VPS13B: variants seen among roughly 807,000 people sequenced by gnomAD.
VPS13B encodes intermembrane lipid transfer protein VPS13B.
VPS13B carries 285 observed loss-of-function variants against 426.4 expected under a neutral mutation model. The observed-to-expected ratio is 0.67, with a 90% CI of 0.61 to 0.74. The LOEUF (loss-of-function observed/expected upper bound fraction) is 0.74, where lower values mean the gene tolerates loss of function less well. Among genes scored for constraint, VPS13B ranks in the 30% least tolerant of loss-of-function variants. VPS13B has a pLI of 0.00. For missense variants in VPS13B, 4,537 were observed against 4,782.6 expected, an observed-to-expected ratio of 0.95 and a Z score of 1.51; for synonymous variants, 1,676 against 1,676.4, an observed-to-expected ratio of 1.00 and a Z score of 0.01.
At chr8:99,234,805 A>G (rs1051542250) in intron 17 of VPS13B, among the ~76,000 whole-genome samples, 1 of 152,262 alleles carries the variant, frequency 6.6e-6, no homozygotes, top group Non-Finnish European at 1.5e-5. Context: ...TAATTGCAAC[A>G]AGTCTCCCAA....
rs562930193 is a variant in VPS13B, at chr8:99,738,368, T to C, written c.7050+17321T>C. Among the ~76,000 whole-genome samples, 8 of 152,364 alleles carry C rather than the reference T, an allele frequency of 5.3e-5. No individual in the cohort carries two copies. The East Asian group carries it at 1.5e-3, about 29-fold the overall frequency. ...AACTACTATCTTTTTTCTCTTTAGC[T>C]AAATCATGGTATATCTGTATAATAT... On this transcript the variant is annotated intron_variant, in intron 39 of 61. Transcript: ENST00000357162.
chr8:99,394,258 A>G (rs1814613068), intron 21 of VPS13B, among the ~76,000 whole-genome samples: 1 of 152,150 alleles, frequency 6.6e-6, no homozygotes, highest in Non-Finnish European at 1.5e-5. Flanking sequence ...CTATGGTCCA[A>G]TGTTGATTTT....
chr8:99,717,189 C>G lies in VPS13B; in HGVS notation c.6473C>G (p.Ser2158Ter), dbSNP rs760207157. 1 of 1,613,392 alleles carries G rather than the reference C, an allele frequency of 6.2e-7. No homozygotes were observed. The highest frequency in any genetic ancestry group is 1.7e-5 in the Admixed American group (1 of 59,930). The change falls in exon 37 of 62, where the codon TCA becomes TGA. Residue 2158 changes from serine to a stop codon, truncating the protein, a stop_gained. Coordinates refer to ENST00000357162, the MANE Select transcript of VPS13B (RefSeq NM_152564.5). LOFTEE classifies it high-confidence loss of function. Reference sequence around the variant, plus strand: ...TTTTCAGGCATAATTCTTGGGTCATCATTTCTACTCAGTATAAACGATTTT... The same window carrying G: ...TTTTCAGGCATAATTCTTGGGTCATGATTTCTACTCAGTATAAACGATTTT... ...QKVPGIILGS[S>*]FLLSINDFLL... is the part of the protein sequence containing the mutation.
At chr8:99,116,419 T>A (rs185669157) in intron 7 of VPS13B, among the ~76,000 whole-genome samples, 1 of 152,126 alleles carries the variant, frequency 6.6e-6, no homozygotes, top group African/African-American at 2.4e-5. Context: ...ATAATAGATA[T>A]AAGTGTTCAG....
chr8:99,419,104 A>C (rs1335954260), intron 21 of VPS13B, among the ~76,000 whole-genome samples: 14 of 152,290 alleles, frequency 9.2e-5, no homozygotes, highest in Non-Finnish European at 4.4e-5. Context: ...ACTGGTGGGC[A>C]GTGATTAGAT....
chr8:99,280,940 C>A (rs1216499054), intron 19 of VPS13B, among the ~76,000 whole-genome samples: 1 of 152,078 alleles, frequency 6.6e-6, no homozygotes, highest in Non-Finnish European at 1.5e-5. Context: ...CCTTTCTATT[C>A]AATCCTTAGT....
At position 99,445,144 on chromosome 8, in the gene VPS13B, A is replaced by G. The variant is rs534636983; in HGVS notation, c.3445+2509A>G. On this transcript the variant is annotated intron_variant, in intron 23 of 61. Transcript: ENST00000357162. The stretch of plus-strand genomic sequence containing the variant: ...ATTTGCAAGTATTTTCTCCTGTTCT[A>G]TACATTGTCTTTTCACTTCCTTGAT... Among the ~76,000 whole-genome samples, 47 of 151,424 alleles carry G rather than the reference A, an allele frequency of 3.1e-4. No homozygotes were observed. In the East Asian group the frequency reaches 7.9e-3, roughly 25 times the overall value.
chr8:99,540,170 C>T (rs1447657081), intron 30 of VPS13B, among the ~76,000 whole-genome samples: 1 of 139,652 alleles, frequency 7.2e-6, no homozygotes, highest in Non-Finnish European at 1.5e-5. Context: ...AACTCCGCCT[C>T]CTGGGTTCAC....
At chr8:99,865,237 T>C (rs570491597) in intron 58 of VPS13B, among the ~76,000 whole-genome samples, 1 of 152,336 alleles carries the variant, frequency 6.6e-6, no homozygotes, top group East Asian at 1.9e-4. Context: ...CCTCACTTTC[T>C]ACTACACTCT....
At chr8:99,705,178 G>C (rs1832449103) in intron 36 of VPS13B, among the ~76,000 whole-genome samples, 1 of 152,048 alleles carries the variant, frequency 6.6e-6, no homozygotes, top group Non-Finnish European at 1.5e-5. Context: ...GTAGATTACT[G>C]ATAATTTTTG....
rs939460977 is a variant in VPS13B at position 99,251,348 on chromosome 8, CT to C, written c.2516-22840del. On this transcript the variant is annotated intron_variant, in intron 17 of 61. Transcript: ENST00000357162. ...CCTCTCTATTCCTAGTTCCCTGAAA[CT>C]TTTTTTTTTCTTTTAATCCTGAGAG... Among the ~76,000 whole-genome samples the C allele has an allele frequency of 7.3e-5, 11 of 149,830 alleles. No homozygotes were observed. In the East Asian group the frequency reaches 7.8e-4, roughly 11 times the overall value.
intron 40 of VPS13B, among the ~76,000 whole-genome samples, chr8:99,768,761 C>T (rs1811348485): frequency 6.6e-6 from 1 of 152,110 alleles, no homozygotes; most frequent in Non-Finnish European, 1.5e-5. Flanking sequence ...ATTTTACCTG[C>T]ATATAGTTCA....
intron 19 of VPS13B, among the ~76,000 whole-genome samples, chr8:99,332,898 T>C (rs1234820063): frequency 6.6e-6 from 1 of 151,594 alleles, no homozygotes; most frequent in Non-Finnish European, 1.5e-5. Context: ...AGCAGGGTGG[T>C]CAAATATAAT....
intron 2 of VPS13B, among the ~76,000 whole-genome samples, chr8:99,022,437 CTT>C (rs1563488036): frequency 6.6e-6 from 1 of 151,936 alleles, no homozygotes; most frequent in African/African-American, 2.4e-5. Context: ...TATTAATTAT[CTT>C]TCTGTTACTG....
Position 99,673,162 on chromosome 8 carries a change from T to A in VPS13B, c.6046+11671T>A, listed in dbSNP as rs142632545. Among the ~76,000 whole-genome samples, 66 of 152,234 alleles carry A rather than the reference T, an allele frequency of 4.3e-4. No homozygotes were observed. The Middle Eastern group carries it at 0.01, about 24-fold the overall frequency. On this transcript the variant is annotated intron_variant, in intron 35 of 61. Coordinates refer to ENST00000357162, the MANE Select transcript of VPS13B (RefSeq NM_152564.5). ...GCTTATAGAATAAATTTGGAAATATTTCCCTCTCTTCAGTTTTTTGGAAGA... is the reference window on the plus strand; with the variant it reads ...GCTTATAGAATAAATTTGGAAATATATCCCTCTCTTCAGTTTTTTGGAAGA...
chr8:99,160,376 T>C (rs1044606076), intron 15 of VPS13B, among the ~76,000 whole-genome samples: 1 of 152,166 alleles, frequency 6.6e-6, no homozygotes, highest in Non-Finnish European at 1.5e-5. Flanking sequence ...GAATCAGTAC[T>C]GGCTGGGTAT....
chr8:99,439,886 G>T (rs1333369570), intron 22 of VPS13B, among the ~76,000 whole-genome samples: 1 of 152,008 alleles, frequency 6.6e-6, no homozygotes, highest in African/African-American at 2.4e-5. Context: ...TAGGGCCAAG[G>T]ACTTACAGAG....
intron 23 of VPS13B, among the ~76,000 whole-genome samples, chr8:99,464,599 A>G (rs995594148): frequency 6.6e-6 from 1 of 152,198 alleles, no homozygotes; most frequent in Non-Finnish European, 1.5e-5. Flanking sequence ...TTTTGATTAT[A>G]GCATGGTATG....
intron 57 of VPS13B, 50 bp from the exon 58 acceptor site, chr8:99,861,726 T>G: frequency 6.4e-7 from 1 of 1,560,008 alleles, no homozygotes; most frequent in Non-Finnish European, 8.7e-7. Flanking sequence ...TGCCTTGGGG[T>G]CCATCATGTA....
Sources: gnomAD v4.1 joint callset for allele counts (sites outside exome capture counted in the v4.1 genomes callset) on GRCh38, gnomAD v4.1.1 for gene constraint, MANE v1.5 for transcripts, NCBI Gene and HGNC (gene_info 2026-07-23, HGNC 2026-07-21) for gene names.